The following HMCN2 variants were observed in gnomAD, a reference collection of about 807,000 sequenced individuals.
HMCN2 encodes hemicentin 2.
Under a neutral mutation model 377.5 loss-of-function variants are expected in HMCN2, and 325 were observed. The observed-to-expected ratio is 0.86, with a 90% CI of 0.79 to 0.94. The LOEUF is 0.94. Ranked by LOEUF, HMCN2 falls within the 40% of genes least tolerant of loss-of-function variation. HMCN2 has a pLI of 0.00. For synonymous variants in HMCN2, 2,007 were observed against 2,046.8 expected (o/e 0.98, Z 0.53); for missense variants, 4,543 against 4,725.3 (o/e 0.96, Z 1.13).
chr9:130,433,395 C>T lies in HMCN2; in HGVS notation c.14942C>T (p.Ser4981Phe), dbSNP rs1844883344. 1 of 1,489,798 alleles carries T rather than the reference C, an allele frequency of 6.7e-7. No individual in the cohort carries two copies. The highest frequency in any genetic ancestry group is 1.5e-5 in the African/African-American group (1 of 68,528). 92.3% of individuals were successfully genotyped at this position (1,489,798 alleles called of 1,614,324 possible). ...CAGGACTGCGGCACGGGCGGCCCCT[C>T]TACGCTGCAGTACCGGCTGCTGCCG... The part of the protein sequence containing the change: ...CSQDCGTGGP[S>F]TLQYRLLPLP... The change falls in exon 98 of 98, where the codon TCT (serine) becomes TTT (phenylalanine). Residue 4981 changes from serine (S) to phenylalanine (F), a missense_variant. Ser to Phe is a radical substitution (Grantham distance 155). Coordinates refer to ENST00000683500, the MANE Select transcript of HMCN2 (RefSeq NM_001291815.2).
intron 83 of HMCN2, 109 bp downstream of exon 83, chr9:130,407,814 C>A: frequency 1.3e-6 from 1 of 797,336 alleles, no homozygotes; most frequent in Non-Finnish European, 1.6e-6. Context: ...CTAGTGGTTC[C>A]CCACCCTGGC....
Position 130,422,534 on chromosome 9 carries a change from G to C in HMCN2, c.13232-43G>C. On this transcript the variant is annotated intron_variant, in intron 86 of 97. Coordinates refer to ENST00000683500, the MANE Select transcript of HMCN2 (RefSeq NM_001291815.2). The surrounding 1 kb of genome is among the most constrained non-coding windows in gnomAD (Gnocchi z 4.2). ...AGCCTGCTTGTGCTGTGGGCCCCGGGGTGGATAGTCAGTGGCACTGTCATT... is the reference window on the plus strand; with the variant it reads ...AGCCTGCTTGTGCTGTGGGCCCCGGCGTGGATAGTCAGTGGCACTGTCATT... 1 of 1,289,656 alleles carries C rather than the reference G, an allele frequency of 7.8e-7. No homozygotes were observed. The highest frequency in any genetic ancestry group is 9.9e-7 in the Non-Finnish European group (1 of 1,010,616). The allele number at this position is 1,289,656 out of a possible 1,614,324, so 79.9% of individuals were successfully genotyped here.
chr9:130,359,058 C>T lies in HMCN2; in HGVS notation c.5678-261C>T, dbSNP rs79429937. Among the ~76,000 whole-genome samples, 1,078 of 152,288 alleles carry T rather than the reference C, an allele frequency of 7.1e-3. 11 individuals are homozygous for T. The highest frequency in any genetic ancestry group is 0.025 in the African/African-American group (1,030 of 41,554). The stretch of plus-strand genomic sequence containing the variant: ...AGGGAAATCCTCGTCCTTGTCCCTT[C>T]CCCTGGCTGTGCTGGCGTCGGCTGT... On this transcript the variant is annotated intron_variant, in intron 36 of 97. Transcript: ENST00000683500.
rs1255781424 is a variant in HMCN2, at chr9:130,406,139, G to A, written c.12524G>A (p.Gly4175Asp). 7.8e-7 allele frequency: 1 copy of A among 1,289,852 alleles called. No homozygotes were observed. The highest frequency in any genetic ancestry group is 1.2e-5 in the South Asian group (1 of 81,024). 79.9% of individuals were successfully genotyped at this position (1,289,852 alleles called of 1,614,324 possible). ...CGGGGCAGCCCCACCCCTCGCATTG[G>A]CTGGACTGTCAACGACCGGCCAGTC... The part of the protein sequence containing the change: ...AARGSPTPRI[G>D]WTVNDRPVTE... Residue 4175 changes from glycine to aspartate, a missense_variant, in exon 82 of 98, where the codon GGC (glycine) becomes GAC (aspartate). By Grantham distance (94) the Gly-to-Asp change is moderately conservative. This residue lies in a region of HMCN2 where 1,073 missense variants were observed against 1,319.5 expected (regional missense o/e 0.81). Coordinates refer to ENST00000683500, the MANE Select transcript of HMCN2 (RefSeq NM_001291815.2).
In HMCN2 at chr9:130,394,977, G is replaced by A. The variant is rs2131689110; in HGVS notation, c.10693-50G>A. 8.6e-7 allele frequency: 1 copy of A among 1,160,198 alleles called. No individual in the cohort carries two copies. The highest frequency in any genetic ancestry group is 1.1e-6 in the Non-Finnish European group (1 of 884,920). The allele number at this position is 1,160,198 out of a possible 1,614,324, so 71.9% of individuals were successfully genotyped here. ...GCATGAGAAAGAAACCAGATTGGGA[G>A]GCGGGCAGAGAGGGGCCAGGGGCAG... On this transcript the variant is annotated intron_variant, in intron 69 of 97. Coordinates refer to ENST00000683500, the MANE Select transcript of HMCN2 (RefSeq NM_001291815.2). The surrounding 1 kb of genome is among the most constrained non-coding windows in gnomAD (Gnocchi z 5.1).
In HMCN2 at chr9:130,348,985, T is replaced by C; in HGVS notation, c.4157T>C (p.Ile1386Thr). 1 of 1,303,938 alleles carries C rather than the reference T, an allele frequency of 7.7e-7. No homozygotes were observed. The allele number at this position is 1,303,938 out of a possible 1,614,324, so 80.8% of individuals were successfully genotyped here. ...CTCCCTCTGGCCTCTCCTACCCAGA[T>C]TCCTAAGGTGGGCGGCCACCGCCTC... Reference protein sequence around the residue: ...EIVWLKDAQLIPKVGGHRLLD... With the variant: ...EIVWLKDAQLTPKVGGHRLLD... The change falls in exon 28 of 98, where the codon ATT becomes ACT. Residue 1386 changes from isoleucine to threonine, a missense_variant and splice_region_variant. This residue lies in a region of HMCN2 where 1,032 missense variants were observed against 1,285.1 expected (regional missense o/e 0.80). Coordinates refer to ENST00000683500, the MANE Select transcript of HMCN2 (RefSeq NM_001291815.2).
intron 7 of HMCN2, among the ~76,000 whole-genome samples, chr9:130,298,378 G>C (rs558520324): frequency 6.6e-6 from 1 of 152,140 alleles, no homozygotes; most frequent in Non-Finnish European, 1.5e-5. Flanking sequence ...TAAAAAATTA[G>C]CCAGGTATAG....
In HMCN2 at chr9:130,382,281, C is replaced by G. The variant is rs972827644; in HGVS notation, c.8529C>G (p.Tyr2843Ter). The G allele has an allele frequency of 5.1e-6, 5 of 985,590 alleles. No individual in the cohort carries two copies. The highest frequency in any genetic ancestry group is 3.5e-5 in the African/African-American group (2 of 57,226). 61.1% of individuals were successfully genotyped at this position (985,590 alleles called of 1,614,324 possible). Residue 2843 changes from tyrosine (Y) to a stop codon, truncating the protein, a stop_gained, in exon 55 of 98, where the codon TAC (tyrosine) becomes TAG (stop). Coordinates refer to ENST00000683500, the MANE Select transcript of HMCN2 (RefSeq NM_001291815.2). LOFTEE classifies it high-confidence loss of function. ...AGGTGGGCGAGGACTGGCTGCACTA[C>G]GAGCTGCTGGTGCTGAGTGAGTGGC... The part of the protein sequence containing the change: ...SNEVGEDWLH[Y>*]ELLVLTPPVI...
chr9:130,290,924 C>G (rs911373396), intron 4 of HMCN2, among the ~76,000 whole-genome samples: 1 of 151,390 alleles, frequency 6.6e-6, no homozygotes, highest in Non-Finnish European at 1.5e-5. Context: ...GGATTCCTTT[C>G]CCTTTTTGTA....
Position 130,428,478 on chromosome 9 carries a change from C to T in HMCN2, c.14186C>T (p.Ala4729Val). 6.5e-7 allele frequency: 1 copy of T among 1,541,264 alleles called. No individual in the cohort carries two copies. Among genetic ancestry groups the T allele is most frequent in the Non-Finnish European group, 8.7e-7 (1 of 1,146,892 alleles). Residue 4729 changes from alanine (A) to valine (V), a missense_variant, in exon 93 of 98, where the codon GCC becomes GTC. Ala to Val is a moderately conservative substitution (Grantham distance 64, BLOSUM62 0). This residue lies in a region of HMCN2 where 1,155 missense variants were observed against 1,157.7 expected (regional missense o/e 1.00). Transcript: ENST00000683500. The surrounding 1 kb of genome is among the most constrained non-coding windows in gnomAD (Gnocchi z 5.0). ...CGPGFRVADGAGCEDVDECLE... is the reference protein window; with the variant it reads ...CGPGFRVADGVGCEDVDECLE... ...CCTGGCTTCCGGGTGGCTGATGGGG[C>T]CGGCTGTGAAGGTGATGGGGGCACA...
intron 27 of HMCN2, 64 bp downstream of exon 27, chr9:130,348,739 A>G (rs1839532362): frequency 2.3e-6 from 3 of 1,289,990 alleles, no homozygotes; most frequent in African/African-American, 1.5e-5. Context: ...GGTCTTCTGG[A>G]TGGGCATTTC....
At chr9:130,330,152 T>G (rs1272420515) in intron 22 of HMCN2, among the ~76,000 whole-genome samples, 1 of 151,942 alleles carries the variant, frequency 6.6e-6, no homozygotes, top group Non-Finnish European at 1.5e-5. Context: ...GGCTGATGCG[T>G]CTGGTGAGTC....
In HMCN2 at chr9:130,308,535, T is replaced by A. The variant is rs1554937709; in HGVS notation, c.2200+969T>A. Among the ~76,000 whole-genome samples, 1 of 152,136 alleles carries A rather than the reference T, an allele frequency of 6.6e-6. No homozygotes were observed. The highest frequency in any genetic ancestry group is 1.5e-5 in the Non-Finnish European group (1 of 68,026). On this transcript the variant is annotated intron_variant, in intron 14 of 97. Coordinates refer to ENST00000683500, the MANE Select transcript of HMCN2 (RefSeq NM_001291815.2). This position sits in a 1 kb window ranked among gnomAD's most constrained non-coding sequence, Gnocchi z 4.1. Reference sequence around the variant, plus strand: ...CAGCAATACTGTCCCCTCCCATTCCTTGCAGCAGCTGCCTGGGACCTCATC... The same window carrying A: ...CAGCAATACTGTCCCCTCCCATTCCATGCAGCAGCTGCCTGGGACCTCATC...
chr9:130,349,407 G>C, intron 28 of HMCN2, 130 bp from the exon 29 acceptor site: 2 of 1,102,310 alleles, frequency 1.8e-6, no homozygotes, highest in Admixed American at 3.2e-5. Flanking sequence ...CAGGGTTTTG[G>C]GGGGCTTCCC....
intron 1 of HMCN2, among the ~76,000 whole-genome samples, chr9:130,282,216 T>C (rs1283588904): frequency 2.0e-5 from 3 of 152,224 alleles, no homozygotes; most frequent in Non-Finnish European, 4.4e-5. Context: ...TAGCAGTGCC[T>C]CTTCCCATTT....
intron 11 of HMCN2, among the ~76,000 whole-genome samples, chr9:130,305,926 G>T (rs1836825494): frequency 2.6e-5 from 4 of 152,178 alleles, no homozygotes; most frequent in African/African-American, 9.7e-5. Flanking sequence ...CCTCCATGTT[G>T]CCTGGGGATG....
intron 1 of HMCN2, among the ~76,000 whole-genome samples, chr9:130,271,271 G>A (rs544308966): frequency 2.0e-5 from 3 of 148,990 alleles, no homozygotes; most frequent in Non-Finnish European, 3.0e-5. Context: ...CTCTCTGGAA[G>A]AGAGTCACTT....
At position 130,360,540 on chromosome 9, in the gene HMCN2, C is replaced by T. The variant is rs61748897; in HGVS notation, c.5886C>T (p.Ser1962=). Residue 1962 remains serine (S), a synonymous_variant, in exon 38 of 98, where the codon AGC becomes AGT. Coordinates refer to ENST00000683500, the MANE Select transcript of HMCN2 (RefSeq NM_001291815.2). This position sits in a 1 kb window ranked among gnomAD's most constrained non-coding sequence, Gnocchi z 4.7. ...IEQAQLSDAG[S]YRCVASNVAG... is the part of the protein sequence containing the mutation. The stretch of plus-strand genomic sequence containing the variant: ...AAGCCCAGCTTTCTGATGCTGGGAG[C>T]TACCGCTGTGTGGCATCCAATGTGG... The T allele has an allele frequency of 0.09, 117,201 of 1,302,126 alleles. 5,757 individuals carry two copies. Among genetic ancestry groups the T allele is most frequent in the African/African-American group, 0.16 (10,778 of 65,828 alleles). 80.7% of individuals were successfully genotyped at this position (1,302,126 alleles called of 1,614,324 possible).
chr9:130,317,506 T>TCTCTCTCTC (rs1837626816), intron 15 of HMCN2, among the ~76,000 whole-genome samples: 2 of 138,152 alleles, frequency 1.4e-5, no homozygotes, highest in African/African-American at 2.6e-5. Flanking sequence ...TCTCTCTCTC[T>TCTCTCTCTC]TTTTTGTAGA....
Sources: gnomAD v4.1 joint callset for allele counts (sites outside exome capture counted in the v4.1 genomes callset) on GRCh38, gnomAD v4.1.1 for gene constraint, gnomAD v4.1.1 regional missense constraint, Gnocchi (gnomAD v3.1) non-coding constraint, MANE v1.5 for transcripts, NCBI Gene and HGNC (gene_info 2026-07-23, HGNC 2026-07-21) for gene names.